Variants in EML4 observed in about 807,000 individuals in gnomAD.
The protein encoded by EML4 is EMAP like 4, also known as echinoderm microtubule-associated protein-like 4.
Under a neutral mutation model 129.0 loss-of-function variants are expected in EML4, and 72 were observed. The observed-to-expected ratio is 0.56, with a 90% CI of 0.46 to 0.68. The LOEUF (loss-of-function observed/expected upper bound fraction) is 0.68, where lower values mean the gene tolerates loss of function less well. Ranked by LOEUF, EML4 falls within the 30% of genes least tolerant of loss-of-function variation. EML4 has a pLI of 0.00. For missense variants in EML4, 1,363 were observed against 1,190.6 expected (o/e 1.14, Z -2.13); for synonymous variants, 532 against 405.0 (o/e 1.31, Z -3.77).
chr2:42,229,521 A>C (rs1215218523), intron 1 of EML4, among the ~76,000 whole-genome samples: 1 of 152,026 alleles, frequency 6.6e-6, no homozygotes, highest in Non-Finnish European at 1.5e-5. Context: ...TCATAAAGCA[A>C]GACAGATAAC....
chr2:42,276,798 T>A (rs992946417), intron 6 of EML4, among the ~76,000 whole-genome samples: 1 of 152,246 alleles, frequency 6.6e-6, no homozygotes, highest in Non-Finnish European at 1.5e-5. Context: ...CCAAAGCTCA[T>A]GCTGTTTTCA....
rs1366583467 is a variant in EML4, at chr2:42,326,176, ACTAAT to A, written c.2267_2271del (p.Leu756GlnfsTer7). 1 of 1,613,760 alleles carries A rather than the reference ACTAAT, an allele frequency of 6.2e-7. No individual in the cohort carries two copies. The highest frequency in any genetic ancestry group is 1.3e-5 in the African/African-American group (1 of 74,946). The stretch of plus-strand genomic sequence containing the variant: ...AAGGGGACATTCCAAATGGCTGCAA[ACTAAT>A]CAGGAATCGATCGGATTGTAAGGAC... On this transcript the variant is annotated frameshift_variant, in exon 21 of 23. Transcript: ENST00000318522. LOFTEE classifies it high-confidence loss of function.
At chr2:42,227,118 T>A (rs185374825) in intron 1 of EML4, among the ~76,000 whole-genome samples, 1 of 152,216 alleles carries the variant, frequency 6.6e-6, no homozygotes, top group Admixed American at 6.5e-5. Flanking sequence ...TTTTTCTTTT[T>A]TTTTCCCCTT....
chr2:42,320,237 C>G (rs534376679), intron 19 of EML4, among the ~76,000 whole-genome samples: 6 of 152,010 alleles, frequency 3.9e-5, no homozygotes, highest in African/African-American at 1.4e-4. Context: ...ACCTGTAATC[C>G]CAGCACTTTG....
intron 1 of EML4, 175 bp downstream of exon 1, chr2:42,169,811 C>A: frequency 1.6e-6 from 1 of 614,368 alleles, no homozygotes; most frequent in Non-Finnish European, 2.6e-6. Context: ...GAGGGCCCCT[C>A]CCCCATGTCC....
At chr2:42,245,828 A>G (rs1437352035) in intron 2 of EML4, 141 bp downstream of exon 2, 1 of 760,344 alleles carries the variant, frequency 1.3e-6, no homozygotes, top group South Asian at 2.6e-5. Context: ...TTTAATTCCC[A>G]AAAAGTTCTG....
intron 1 of EML4, among the ~76,000 whole-genome samples, chr2:42,210,722 T>G (rs1344456658): frequency 1.3e-5 from 2 of 152,214 alleles, no homozygotes; most frequent in Non-Finnish European, 2.9e-5. Context: ...TTTATTTATT[T>G]TGTTATTCAG....
rs77020762 is a variant in EML4, at chr2:42,200,563, C to G, written c.25+30927C>G. On this transcript the variant is annotated intron_variant, in intron 1 of 22. Transcript: ENST00000318522. ...TTGCTGGTCATTGAGATCAAAAGCT[C>G]TCTTTTTGGCTTGAACTCCCTTTCT... Among the ~76,000 whole-genome samples, 684 of 152,298 alleles carry G rather than the reference C, an allele frequency of 4.5e-3. 8 individuals are homozygous for G. Among genetic ancestry groups the G allele is most frequent in the African/African-American group, 0.016 (651 of 41,560 alleles).
intron 6 of EML4, among the ~76,000 whole-genome samples, chr2:42,266,802 T>A (rs975546162): frequency 1.3e-5 from 2 of 152,120 alleles, no homozygotes; most frequent in African/African-American, 4.8e-5. Flanking sequence ...TTTTCTACTC[T>A]AAATATAGTA....
At chr2:42,212,729 T>C (rs1425275721) in intron 1 of EML4, among the ~76,000 whole-genome samples, 1 of 152,232 alleles carries the variant, frequency 6.6e-6, no homozygotes, top group Non-Finnish European at 1.5e-5. Flanking sequence ...TTCTATATCT[T>C]TATCACATTT....
intron 6 of EML4, among the ~76,000 whole-genome samples, chr2:42,275,692 G>A (rs926126846): frequency 1.3e-5 from 2 of 152,118 alleles, no homozygotes. Flanking sequence ...TTCAAACCAA[G>A]GTCTGTATCA....
At chr2:42,202,419 A>G (rs1389366838) in intron 1 of EML4, among the ~76,000 whole-genome samples, 2 of 152,064 alleles carry the variant, frequency 1.3e-5, no homozygotes, top group Non-Finnish European at 2.9e-5. Context: ...AGCCTGGTGT[A>G]TTAGTCAGTG....
At chr2:42,306,268 T>C (rs1668587786) in intron 17 of EML4, among the ~76,000 whole-genome samples, 1 of 152,116 alleles carries the variant, frequency 6.6e-6, no homozygotes, top group Non-Finnish European at 1.5e-5. Flanking sequence ...ACTGTAGGAT[T>C]TGGAGGAAAT....
At chr2:42,306,193 C>G (rs1668583685) in intron 17 of EML4, among the ~76,000 whole-genome samples, 1 of 152,180 alleles carries the variant, frequency 6.6e-6, no homozygotes, top group Non-Finnish European at 1.5e-5. Flanking sequence ...AGCACTTAGA[C>G]TTGGACATTT....
intron 6 of EML4, among the ~76,000 whole-genome samples, chr2:42,278,602 A>T (rs1222915721): frequency 2.1e-5 from 3 of 142,240 alleles, no homozygotes; most frequent in Admixed American, 7.0e-5. Flanking sequence ...AAAAAAAAAA[A>T]ATCCATCAGT....
At chr2:42,179,862 A>G (rs1192727499) in intron 1 of EML4, among the ~76,000 whole-genome samples, 1 of 152,196 alleles carries the variant, frequency 6.6e-6, no homozygotes, top group Admixed American at 6.5e-5. Flanking sequence ...TAGCCTCCCA[A>G]AGTGCTGGGA....
At chr2:42,252,227 C>G (rs1353211180) in intron 2 of EML4, among the ~76,000 whole-genome samples, 2 of 152,148 alleles carry the variant, frequency 1.3e-5, no homozygotes, top group Non-Finnish European at 2.9e-5. Flanking sequence ...AACTGTCAGG[C>G]TAAGATGTCA....
chr2:42,225,802 G>C (rs1673922816), intron 1 of EML4, among the ~76,000 whole-genome samples: 1 of 151,868 alleles, frequency 6.6e-6, no homozygotes, highest in African/African-American at 2.4e-5. Context: ...AGGCAATATT[G>C]ACATATTTCT....
intron 1 of EML4, among the ~76,000 whole-genome samples, chr2:42,241,551 CTGTT>C (rs1463401110): frequency 6.6e-6 from 1 of 152,200 alleles, no homozygotes; most frequent in Non-Finnish European, 1.5e-5. Context: ...AGCCTCCTGT[CTGTT>C]CTTGTGTTTA....
Sources: allele counts gnomAD v4.1 joint callset (sites outside exome capture counted in the v4.1 genomes callset), GRCh38; gene constraint gnomAD v4.1.1; transcripts MANE v1.5; gene names NCBI Gene and HGNC (gene_info 2026-07-23, HGNC 2026-07-21).